Variants in PCOLCE2 observed in about 807,000 individuals in gnomAD.
PCOLCE2 encodes procollagen C-proteinase enhancer 2.
A neutral mutation model predicts 47.0 loss-of-function variants in PCOLCE2; 42 were observed. The ratio of observed to expected loss-of-function variants is 0.89; its 90% CI spans 0.70 to 1.16. The LOEUF (loss-of-function observed/expected upper bound fraction) is 1.16, where lower values mean the gene tolerates loss of function less well. PCOLCE2 is among the 50% of genes most tolerant of loss of function. The pLI, the probability that PCOLCE2 is intolerant of heterozygous loss-of-function variation, is 0.00. For synonymous variants in PCOLCE2, 169 were observed against 191.7 expected, an observed-to-expected ratio of 0.88 and a Z score of 0.98; for missense variants, 500 against 526.1, an observed-to-expected ratio of 0.95 and a Z score of 0.49.
At position 142,818,167 on chromosome 3, in the gene PCOLCE2, G is replaced by C; in HGVS notation, c.*168C>G. ...GACAGCAGGCAAAGAACTTCCCTCAGCTATCTCGGAGGCCTCATACCTCCA... is the reference window on the plus strand; with the variant it reads ...GACAGCAGGCAAAGAACTTCCCTCACCTATCTCGGAGGCCTCATACCTCCA... On this transcript the variant is annotated 3_prime_UTR_variant, in exon 9 of 9. Transcript: ENST00000295992. 1 of 560,422 alleles carries C rather than the reference G, an allele frequency of 1.8e-6. No individual in the cohort carries two copies. Among genetic ancestry groups the C allele is most frequent in the Non-Finnish European group, 3.1e-6 (1 of 326,222 alleles). 34.7% of individuals were successfully genotyped at this position (560,422 alleles called of 1,614,324 possible).
At chr3:142,867,994 T>G (rs527498890) in intron 2 of PCOLCE2, among the ~76,000 whole-genome samples, 37 of 152,244 alleles carry the variant, frequency 2.4e-4, no homozygotes, top group African/African-American at 8.9e-4. Flanking sequence ...AGAAATGAAA[T>G]GGTTATAAAC....
intron 2 of PCOLCE2, among the ~76,000 whole-genome samples, chr3:142,866,016 C>T (rs562991094): frequency 6.6e-6 from 1 of 152,242 alleles, no homozygotes; most frequent in African/African-American, 2.4e-5. Context: ...TAATCTTTGG[C>T]AAAGGTGTCA....
At chr3:142,880,184 C>T (rs980484085) in intron 2 of PCOLCE2, among the ~76,000 whole-genome samples, 1 of 150,312 alleles carries the variant, frequency 6.7e-6, no homozygotes, top group Admixed American at 6.6e-5. Flanking sequence ...GGTTAAATTA[C>T]TATTCAGGCA....
At chr3:142,828,542 G>C (rs942888082) in intron 6 of PCOLCE2, among the ~76,000 whole-genome samples, 1 of 152,144 alleles carries the variant, frequency 6.6e-6, no homozygotes, top group Non-Finnish European at 1.5e-5. Context: ...AAAAGATAGA[G>C]GATATCAAAG....
chr3:142,843,020 G>A lies in PCOLCE2; in HGVS notation c.477C>T (p.Asp159=), dbSNP rs1451240406. 1.3e-5 allele frequency: 21 copies of A among 1,613,840 alleles called. No individual in the cohort carries two copies. The highest frequency in any genetic ancestry group is 1.7e-5 in the Non-Finnish European group (20 of 1,179,756). Residue 159 remains aspartate (D), a synonymous_variant, in exon 4 of 9, where the codon GAC becomes GAT. Transcript: ENST00000295992. Reference sequence around the variant, plus strand: ...GGGTTTTAAAAGAGCCGGAAGGTCTGTCAAGGAGTCCTCCACAATACTGAT... The same window carrying A: ...GGGTTTTAAAAGAGCCGGAAGGTCTATCAAGGAGTCCTCCACAATACTGAT... ...RGDQYCGGLL[D]RPSGSFKTPN... is the part of the protein sequence containing the mutation.
rs770099725 is a variant in PCOLCE2 at position 142,821,054 on chromosome 3, G to T, written c.950-9C>A. 24 of 1,589,278 alleles carry T rather than the reference G, an allele frequency of 1.5e-5. No individual in the cohort carries two copies. In the Admixed American group the frequency reaches 4.0e-4, roughly 27 times the overall value. On this transcript the variant is annotated splice_polypyrimidine_tract_variant and intron_variant, in intron 7 of 8. Coordinates refer to ENST00000295992, the MANE Select transcript of PCOLCE2 (RefSeq NM_013363.4). ...AACAGTGCCGGCTAATACTGCAGAA[G>T]AAAACATTTTGAAGTGATGTGACAG...
At chr3:142,854,356 C>T (rs1262901863) in intron 2 of PCOLCE2, among the ~76,000 whole-genome samples, 1 of 149,586 alleles carries the variant, frequency 6.7e-6, no homozygotes, top group African/African-American at 2.5e-5. Context: ...CTCGAGGTGA[C>T]CACTCAGTGT....
chr3:142,872,138 C>T (rs1933404046), intron 2 of PCOLCE2, among the ~76,000 whole-genome samples: 1 of 152,158 alleles, frequency 6.6e-6, no homozygotes, highest in South Asian at 2.1e-4. Context: ...TCTGTGAGGT[C>T]ACCTTGTGCT....
intron 2 of PCOLCE2, among the ~76,000 whole-genome samples, chr3:142,852,343 C>G (rs902489392): frequency 4.6e-5 from 7 of 151,868 alleles, no homozygotes; most frequent in Non-Finnish European, 7.4e-5. Context: ...CCGAAGATGG[C>G]CTTTCCACTT....
Position 142,842,847 on chromosome 3 carries a change from C to T in PCOLCE2, c.573+77G>A. ...CTCGAATAGCCCCCACAACAGGAGG[C>T]TCTTGAGAGTTGGTGGGCCCCCCAC... On this transcript the variant is annotated intron_variant, in intron 4 of 8. Coordinates refer to ENST00000295992, the MANE Select transcript of PCOLCE2 (RefSeq NM_013363.4). The surrounding 1 kb of genome is among the most constrained non-coding windows in gnomAD (Gnocchi z 4.1). 7.0e-7 allele frequency: 1 copy of T among 1,435,566 alleles called. No homozygotes were observed. The allele number at this position is 1,435,566 out of a possible 1,614,324, so 88.9% of individuals were successfully genotyped here.
intron 2 of PCOLCE2, among the ~76,000 whole-genome samples, chr3:142,879,687 T>G (rs770160597): frequency 1.3e-5 from 2 of 152,228 alleles, no homozygotes; most frequent in Non-Finnish European, 2.9e-5. Context: ...TGTAAAGTTT[T>G]GGCCGGGCAC....
At chr3:142,875,559 G>C (rs1159249570) in intron 2 of PCOLCE2, among the ~76,000 whole-genome samples, 1 of 152,184 alleles carries the variant, frequency 6.6e-6, no homozygotes. Context: ...ATCAACAGAT[G>C]AATGTATAAA....
intron 2 of PCOLCE2, among the ~76,000 whole-genome samples, chr3:142,879,970 C>CAA (rs772887718): frequency 2.2e-4 from 12 of 53,416 alleles, no homozygotes; most frequent in Middle Eastern, 9.3e-3. Flanking sequence ...GACTCCATCT[C>CAA]AAAAAAAAAA....
At chr3:142,832,399 G>A (rs932210716) in intron 5 of PCOLCE2, among the ~76,000 whole-genome samples, 3 of 152,130 alleles carry the variant, frequency 2.0e-5, no homozygotes, top group Admixed American at 6.5e-5. Flanking sequence ...CATCTGTATA[G>A]AGGCCCCAAC....
At position 142,821,102 on chromosome 3, in the gene PCOLCE2, T is replaced by C. The variant is rs1019784629; in HGVS notation, c.950-57A>G. On this transcript the variant is annotated intron_variant, in intron 7 of 8. Coordinates refer to ENST00000295992, the MANE Select transcript of PCOLCE2 (RefSeq NM_013363.4). ...CAGTGAAGGCAAATGCAAGCAGAAC[T>C]GAAAAACAAGTTTACATTCTTCTAA... 4 of 1,350,786 alleles carry C rather than the reference T, an allele frequency of 3.0e-6. No individual in the cohort carries two copies. The Admixed American group carries it at 7.2e-5, about 24-fold the overall frequency. 83.7% of individuals were successfully genotyped at this position (1,350,786 alleles called of 1,614,324 possible).
intron 2 of PCOLCE2, among the ~76,000 whole-genome samples, chr3:142,869,455 T>C (rs2108207257): frequency 6.6e-6 from 1 of 152,342 alleles, no homozygotes; most frequent in African/African-American, 2.4e-5. Context: ...CAAAGCTGTC[T>C]GTTGGGGGAA....
intron 6 of PCOLCE2, 65 bp downstream of exon 6, chr3:142,829,627 A>G (rs1937123177): frequency 1.6e-6 from 2 of 1,220,452 alleles, no homozygotes; most frequent in Non-Finnish European, 2.3e-6. Flanking sequence ...TTTTTTTTCT[A>G]CTTTAAAAGA....
intron 1 of PCOLCE2, among the ~76,000 whole-genome samples, chr3:142,888,438 C>T (rs1041932853): frequency 6.6e-6 from 1 of 152,146 alleles, no homozygotes; most frequent in African/African-American, 2.4e-5. Flanking sequence ...CAAAGCCTCT[C>T]GGGGAAGGAA....
At position 142,888,948 on chromosome 3, in the gene PCOLCE2, A is replaced by C; in HGVS notation, c.-52T>G. 2.5e-6 allele frequency: 2 copies of C among 801,098 alleles called. No individual in the cohort carries two copies. Among genetic ancestry groups the C allele is most frequent in the Non-Finnish European group, 3.6e-6 (2 of 556,824 alleles). 49.6% of individuals were successfully genotyped at this position (801,098 alleles called of 1,614,324 possible). On this transcript the variant is annotated 5_prime_UTR_variant, in exon 1 of 9. Coordinates refer to ENST00000295992, the MANE Select transcript of PCOLCE2 (RefSeq NM_013363.4). ...CCCCACGGCGCGCGCGCCGGCACACACGCCCCTCCGCACCCACCGCGCTCA... is the reference window on the plus strand; with the variant it reads ...CCCCACGGCGCGCGCGCCGGCACACCCGCCCCTCCGCACCCACCGCGCTCA...
Sources: gnomAD v4.1 joint callset for allele counts (sites outside exome capture counted in the v4.1 genomes callset) on GRCh38, gnomAD v4.1.1 for gene constraint, Gnocchi (gnomAD v3.1) non-coding constraint, MANE v1.5 for transcripts, NCBI Gene and HGNC (gene_info 2026-07-23, HGNC 2026-07-21) for gene names.